CHRNA1: variants seen among roughly 807,000 people sequenced by gnomAD.
CHRNA1 encodes the protein cholinergic receptor nicotinic alpha 1 subunit, also known as acetylcholine receptor subunit alpha.
Under a neutral mutation model 47.1 loss-of-function variants are expected in CHRNA1, and 35 were observed. The observed-to-expected ratio is 0.74, with a 90% CI of 0.57 to 0.99. The LOEUF is 0.99. CHRNA1 is among the 50% of genes least tolerant of loss of function. The probability of loss-of-function intolerance (pLI) is 0.00; values close to 1 mark genes in which losing one functional copy is unlikely to be tolerated. For missense variants in CHRNA1, 506 were observed against 591.1 expected (o/e 0.86, Z 1.49); for synonymous variants, 229 against 223.6 (o/e 1.02, Z -0.22).
chr2:174,755,260 C>A (rs999787708), intron 4 of CHRNA1, among the ~76,000 whole-genome samples: 2 of 152,030 alleles, frequency 1.3e-5, no homozygotes, highest in Non-Finnish European at 2.9e-5. Flanking sequence ...CAGGGCCAGG[C>A]AGGTGAGGAA....
intron 7 of CHRNA1, 27 bp from the exon 8 acceptor site, chr2:174,748,846 G>A (rs1427835250): frequency 1.2e-6 from 2 of 1,611,660 alleles, no homozygotes; most frequent in Non-Finnish European, 1.7e-6. Flanking sequence ...ATCCATGCAT[G>A]AGAATTATTG....
chr2:174,761,085 G>T (rs565800820), intron 1 of CHRNA1, among the ~76,000 whole-genome samples: 2 of 152,236 alleles, frequency 1.3e-5, no homozygotes, highest in East Asian at 3.9e-4. Flanking sequence ...CTGAGCTTCT[G>T]GGCTAATTCT....
chr2:174,752,961 T>G, intron 6 of CHRNA1: 1 of 182,414 alleles, frequency 5.5e-6, no homozygotes, highest in Non-Finnish European at 1.2e-5. Context: ...GATTACTCAG[T>G]AGGAGGTAAG....
chr2:174,753,788 G>A, intron 5 of CHRNA1, 48 bp from the exon 6 acceptor site: 2 of 1,565,324 alleles, frequency 1.3e-6, no homozygotes, highest in East Asian at 2.3e-5. Flanking sequence ...TCACCCTGAT[G>A]AGGGGCAGCG....
intron 1 of CHRNA1, among the ~76,000 whole-genome samples, chr2:174,760,445 C>A (rs1684080950): frequency 6.6e-6 from 1 of 152,152 alleles, no homozygotes; most frequent in African/African-American, 2.4e-5. Flanking sequence ...GTGAAAGAAG[C>A]CAGACACAAT....
At chr2:174,763,156 C>T (rs567202392) in intron 1 of CHRNA1, among the ~76,000 whole-genome samples, 28 of 152,152 alleles carry the variant, frequency 1.8e-4, no homozygotes, top group Non-Finnish European at 2.4e-4. Context: ...CCAGCAAACT[C>T]GAGATTTGAC....
intron 5 of CHRNA1, 68 bp downstream of exon 5, chr2:174,754,151 A>G (rs1033311483): frequency 1.4e-6 from 2 of 1,443,972 alleles, no homozygotes; most frequent in Non-Finnish European, 1.9e-6. Context: ...TGATTGTCCA[A>G]GGAAAAGTTG....
chr2:174,763,326 G>GCA (rs1302432601), intron 1 of CHRNA1, among the ~76,000 whole-genome samples: 47 of 99,174 alleles, frequency 4.7e-4, no homozygotes, highest in Admixed American at 2.1e-3. Context: ...GTGTGCACGC[G>GCA]CGCGCACACA....
chr2:174,758,153 A>C, intron 3 of CHRNA1: 1 of 1,347,832 alleles, frequency 7.4e-7, no homozygotes, highest in Non-Finnish European at 1.0e-6. Flanking sequence ...TCATGCCTGT[A>C]ATCCCAGCAC....
chr2:174,756,058 G>C (rs1403643400), intron 4 of CHRNA1, among the ~76,000 whole-genome samples: 1 of 150,186 alleles, frequency 6.7e-6, no homozygotes, highest in South Asian at 2.1e-4. Flanking sequence ...AAAAAATCTG[G>C]AAGTTTAAAT....
intron 1 of CHRNA1, among the ~76,000 whole-genome samples, chr2:174,762,963 G>C (rs570856795): frequency 3.3e-5 from 5 of 152,190 alleles, no homozygotes; most frequent in Non-Finnish European, 5.9e-5. Context: ...CCTTTGGCTA[G>C]TTCAGGCTGT....
intron 1 of CHRNA1, among the ~76,000 whole-genome samples, chr2:174,762,218 A>G (rs2105353948): frequency 6.6e-6 from 1 of 152,120 alleles, no homozygotes; most frequent in East Asian, 1.9e-4. Context: ...TTTCCTCCCC[A>G]GCACAGGGTA....
chr2:174,761,964 T>C (rs766406751), intron 1 of CHRNA1, among the ~76,000 whole-genome samples: 1 of 152,114 alleles, frequency 6.6e-6, no homozygotes, highest in Admixed American at 6.5e-5. Flanking sequence ...AGGAAGAACA[T>C]ATTAGAAAGC....
At chr2:174,761,639 A>G (rs1039777022) in intron 1 of CHRNA1, among the ~76,000 whole-genome samples, 1 of 152,102 alleles carries the variant, frequency 6.6e-6, no homozygotes, top group South Asian at 2.1e-4. Flanking sequence ...TCTGAACCCA[A>G]AATGTTCCAA....
rs778718984 is a variant in CHRNA1 at position 174,748,690 on chromosome 2, G to A, written c.1132C>T (p.Pro378Ser). 1 of 1,614,216 alleles carries A rather than the reference G, an allele frequency of 6.2e-7. No individual in the cohort carries two copies. The highest frequency in any genetic ancestry group is 1.1e-5 in the South Asian group (1 of 91,084). The change falls in exon 8 of 9, where the codon CCA becomes TCA. Residue 378 changes from proline (P) to serine (S), a missense_variant. Transcript: ENST00000348749. ...AGGGGAGAGTGGAAGCCCATGGGTG[G>A]AGGCCCTGGCTTTCCAGAAATGTCA... ...ISDISGKPGP[P>S]PMGFHSPLIK...
intron 1 of CHRNA1, among the ~76,000 whole-genome samples, chr2:174,761,444 C>T (rs1684098552): frequency 1.3e-5 from 2 of 152,070 alleles, no homozygotes; most frequent in South Asian, 4.1e-4. Context: ...ATAAAAAATA[C>T]AAAAATTACC....
At chr2:174,748,848 G>T in intron 7 of CHRNA1, 29 bp from the exon 8 acceptor site, 1 of 1,611,566 alleles carries the variant, frequency 6.2e-7, no homozygotes, top group Non-Finnish European at 8.5e-7. Flanking sequence ...CCATGCATGA[G>T]AATTATTGTC....
rs1411727408 is a variant in CHRNA1 at position 174,748,160 on chromosome 2, A to T, written c.1338T>A (p.Phe446Leu). The change falls in exon 9 of 9, where the codon TTT becomes TTA. Residue 446 changes from phenylalanine (F) to leucine (L), a missense_variant. Coordinates refer to ENST00000348749, the MANE Select transcript of CHRNA1 (RefSeq NM_000079.4). Reference protein sequence around the residue: ...LVCIIGTLAVFAGRLIELNQQ... With the variant: ...LVCIIGTLAVLAGRLIELNQQ... ...GATTTAATTCAATGAGTCGACCTGC[A>T]AACACGGCTAGGGTTCCGATGATGC... is the stretch of plus-strand genomic sequence containing the variant. 1.9e-6 allele frequency: 3 copies of T among 1,614,048 alleles called. No individual in the cohort carries two copies. In the African/African-American group the frequency reaches 4.0e-5, roughly 22 times the overall value.
chr2:174,755,543 C>T lies in CHRNA1; in HGVS notation c.345-1129G>A, dbSNP rs183215906. On this transcript the variant is annotated intron_variant, in intron 4 of 8. Coordinates refer to ENST00000348749, the MANE Select transcript of CHRNA1 (RefSeq NM_000079.4). ...CCCACCATTCTCCTGCCTCAGCTCC[C>T]GAGTAGCTGGGACTACAGGCGCCCA... Among the ~76,000 whole-genome samples, 7 of 152,066 alleles carry T rather than the reference C, an allele frequency of 4.6e-5. No homozygotes were observed. The East Asian group carries it at 7.8e-4, about 17-fold the overall frequency.
Sources: allele counts gnomAD v4.1 joint callset (sites outside exome capture counted in the v4.1 genomes callset), GRCh38; gene constraint gnomAD v4.1.1; transcripts MANE v1.5; gene names NCBI Gene and HGNC (gene_info 2026-07-23, HGNC 2026-07-21).